Variants in ARHGEF28 observed in about 807,000 individuals in gnomAD.
ARHGEF28 encodes the protein Rho guanine nucleotide exchange factor 28, also known as 190 kDa guanine nucleotide exchange factor.
In ARHGEF28, 152 loss-of-function variants were observed where a neutral mutation model predicts 206.6. That is an observed-to-expected ratio of 0.74 (90% CI 0.64 to 0.84). The LOEUF is 0.84. Among genes scored for constraint, ARHGEF28 ranks in the 40% least tolerant of loss-of-function variants. ARHGEF28 has a pLI of 0.00. For synonymous variants in ARHGEF28, 763 were observed against 776.4 expected (o/e 0.98, Z 0.29); for missense variants, 2,028 against 2,073.2 (o/e 0.98, Z 0.42).
intron 4 of ARHGEF28, among the ~76,000 whole-genome samples, chr5:73,764,793 C>G (rs1286303074): frequency 2.6e-5 from 4 of 152,170 alleles, no homozygotes; most frequent in African/African-American, 9.7e-5. Context: ...ATCCTGGACT[C>G]ACCAACCTCA....
At chr5:73,856,152 T>C (rs886389441) in intron 14 of ARHGEF28, among the ~76,000 whole-genome samples, 4 of 152,204 alleles carry the variant, frequency 2.6e-5, no homozygotes, top group Non-Finnish European at 5.9e-5. Flanking sequence ...GCACAAATTT[T>C]GCAAATTAGG....
intron 4 of ARHGEF28, among the ~76,000 whole-genome samples, chr5:73,754,266 A>T (rs1223420792): frequency 6.6e-6 from 1 of 152,138 alleles, no homozygotes; most frequent in Non-Finnish European, 1.5e-5. Context: ...TCACAATCCA[A>T]AAGGATCTCT....
At chr5:73,675,809 A>G (rs1027858395) in intron 1 of ARHGEF28, among the ~76,000 whole-genome samples, 2 of 151,690 alleles carry the variant, frequency 1.3e-5, no homozygotes, top group African/African-American at 2.4e-5. Context: ...AAAAAGGAAC[A>G]TAGGATCATG....
intron 2 of ARHGEF28, among the ~76,000 whole-genome samples, 169 bp from the exon 3 acceptor site, chr5:73,749,668 C>T (rs553140180): frequency 6.6e-6 from 1 of 152,182 alleles, no homozygotes; most frequent in Non-Finnish European, 1.5e-5. Context: ...AGCATCTTCC[C>T]TAATGTCAAA....
At chr5:73,709,122 A>G (rs1749103452) in intron 2 of ARHGEF28, among the ~76,000 whole-genome samples, 1 of 152,164 alleles carries the variant, frequency 6.6e-6, no homozygotes, top group African/African-American at 2.4e-5. Flanking sequence ...CTTCTGTCAT[A>G]CGTTTGTAAT....
At position 73,928,084 on chromosome 5, in the gene ARHGEF28, AG is replaced by A. The variant is rs1478803054; in HGVS notation, c.4949-12758del. On this transcript the variant is annotated intron_variant, in intron 35 of 35. Coordinates refer to ENST00000513042, the MANE Select transcript of ARHGEF28 (RefSeq NM_001177693.2). ...GAATATCAATTTCTCAAACCAGAAT[AG>A]GTATGTAAGTTCTTTGACATCTCAT... Among the ~76,000 whole-genome samples the A allele has an allele frequency of 3.3e-5, 5 of 152,366 alleles. No individual in the cohort carries two copies. In the East Asian group the frequency reaches 5.8e-4, roughly 18 times the overall value.
intron 5 of ARHGEF28, 133 bp downstream of exon 5, chr5:73,774,171 G>T: frequency 1.4e-6 from 1 of 737,756 alleles, no homozygotes; most frequent in Non-Finnish European, 2.0e-6. Context: ...CATATATATA[G>T]ATCATATAAA....
intron 1 of ARHGEF28, among the ~76,000 whole-genome samples, chr5:73,662,580 T>C (rs1188000303): frequency 6.6e-6 from 1 of 152,256 alleles, no homozygotes; most frequent in South Asian, 2.1e-4. Flanking sequence ...ATGCAGATTA[T>C]ACATTTTTAA....
intron 31 of ARHGEF28, chr5:73,902,152 ATCAAG>A (rs555445737): frequency 6.6e-6 from 1 of 152,242 alleles, no homozygotes; most frequent in South Asian, 2.1e-4. Flanking sequence ...AGACTGAGAA[ATCAAG>A]TCAAGGACTT....
rs753309194 is a variant in ARHGEF28, at chr5:73,909,680, G to C, written c.4430G>C (p.Arg1477Pro). ...TRESWLQERE[R>P]ECQSQEELLL... ...GAGAGCTGGCTGCAGGAGCGGGAGC[G>C]GGAGTGCCAGTCGCAGGAGGAGCTG... The change falls in exon 34 of 36, where the codon CGG becomes CCG. Residue 1477 changes from arginine (R) to proline (P), a missense_variant. Around this residue, in one of 3 missense-constraint regions of ARHGEF28, gnomAD observed 803 missense variants for 768.0 expected, o/e 1.05. Coordinates refer to ENST00000513042, the MANE Select transcript of ARHGEF28 (RefSeq NM_001177693.2). 45 of 1,538,966 alleles carry C rather than the reference G, an allele frequency of 2.9e-5. 1 individual carries two copies. The South Asian group carries it at 5.4e-4, about 18-fold the overall frequency.
intron 9 of ARHGEF28, among the ~76,000 whole-genome samples, chr5:73,823,734 A>G (rs983249989): frequency 2.0e-5 from 3 of 152,220 alleles, no homozygotes; most frequent in South Asian, 2.1e-4. Flanking sequence ...GACATTGCTC[A>G]AATACCATTT....
In ARHGEF28 at chr5:73,882,355, CATG is replaced by C. The variant is rs542623299; in HGVS notation, c.2815-114_2815-112del. 526 of 753,966 alleles carry C rather than the reference CATG, an allele frequency of 7.0e-4. 3 individuals are homozygous for C. In the African/African-American group the frequency reaches 8.6e-3, roughly 12 times the overall value. 46.7% of individuals were successfully genotyped at this position (753,966 alleles called of 1,614,324 possible). On this transcript the variant is annotated intron_variant, in intron 22 of 35. Coordinates refer to ENST00000513042, the MANE Select transcript of ARHGEF28 (RefSeq NM_001177693.2). ...GATAAGTGATTGTGTTCAGAAATTC[CATG>C]ATATTTATTTTTTATTTGCAAATAC...
At chr5:73,878,876 C>G (rs1760717253) in intron 22 of ARHGEF28, among the ~76,000 whole-genome samples, 1 of 151,926 alleles carries the variant, frequency 6.6e-6, no homozygotes, top group Admixed American at 6.6e-5. Context: ...TTCATTTCAA[C>G]TTTGGTGAAT....
intron 34 of ARHGEF28, among the ~76,000 whole-genome samples, chr5:73,910,528 C>T (rs2112728310): frequency 6.6e-6 from 1 of 152,174 alleles, no homozygotes; most frequent in East Asian, 1.9e-4. Flanking sequence ...GTCCTGGAGG[C>T]ACACTCACTG....
chr5:73,732,178 T>C (rs901236414), intron 2 of ARHGEF28, among the ~76,000 whole-genome samples: 1 of 152,014 alleles, frequency 6.6e-6, no homozygotes, highest in Non-Finnish European at 1.5e-5. Flanking sequence ...TTACATAGAG[T>C]GTTTTCACTG....
intron 7 of ARHGEF28, among the ~76,000 whole-genome samples, chr5:73,785,839 T>A (rs1754122807): frequency 6.6e-6 from 1 of 151,856 alleles, no homozygotes; most frequent in Non-Finnish European, 1.5e-5. Flanking sequence ...GAGGGCAAAA[T>A]CATTTCCTTC....
At chr5:73,667,623 A>G (rs1420691540) in intron 1 of ARHGEF28, among the ~76,000 whole-genome samples, 1 of 152,094 alleles carries the variant, frequency 6.6e-6, no homozygotes, top group African/African-American at 2.4e-5. Context: ...GATTGGCCAC[A>G]CCTTTAGTAT....
chr5:73,866,039 A>T (rs1431903143), intron 18 of ARHGEF28, 26 bp downstream of exon 18: 1 of 1,560,052 alleles, frequency 6.4e-7, no homozygotes, highest in Non-Finnish European at 8.7e-7. Context: ...AACGACAAGA[A>T]CTTTTAAAAA....
intron 2 of ARHGEF28, among the ~76,000 whole-genome samples, chr5:73,743,116 A>G (rs1168751181): frequency 6.6e-6 from 1 of 151,812 alleles, no homozygotes; most frequent in Non-Finnish European, 1.5e-5. Context: ...TTTCTGTTTG[A>G]GATTATTTTA....
Sources: gnomAD v4.1 joint callset for allele counts (sites outside exome capture counted in the v4.1 genomes callset) on GRCh38, gnomAD v4.1.1 for gene constraint, gnomAD v4.1.1 regional missense constraint, MANE v1.5 for transcripts, NCBI Gene and HGNC (gene_info 2026-07-23, HGNC 2026-07-21) for gene names.